DLGAP2: variants seen among roughly 807,000 people sequenced by gnomAD.
The protein encoded by DLGAP2 is DLG associated protein 2, also known as disks large-associated protein 2.
DLGAP2 carries 26 observed loss-of-function variants against 100.3 expected under a neutral mutation model. The observed-to-expected ratio is 0.26, with a 90% confidence interval of 0.19 to 0.36. The LOEUF (loss-of-function observed/expected upper bound fraction) is 0.36, where lower values mean the gene tolerates loss of function less well. Among genes scored for constraint, DLGAP2 ranks in the 10% least tolerant of loss-of-function variants. The pLI is 1.00. For missense variants in DLGAP2, 1,858 were observed against 1,453.2 expected (o/e 1.28, Z -4.53); for synonymous variants, 886 against 630.1 (o/e 1.41, Z -6.08).
At chr8:1,506,349 C>G (rs549089791) in intron 4 of DLGAP2, among the ~76,000 whole-genome samples, 105 of 152,276 alleles carry the variant, frequency 6.9e-4, no homozygotes, top group African/African-American at 2.3e-3. Context: ...GGTTCTTGGT[C>G]TCACTGACGT....
chr8:1,346,487 T>C (rs1487376960), intron 3 of DLGAP2, among the ~76,000 whole-genome samples: 1 of 149,722 alleles, frequency 6.7e-6, no homozygotes, highest in East Asian at 2.0e-4. Flanking sequence ...CCCATACACA[T>C]CTGCATTGCT....
intron 2 of DLGAP2, among the ~76,000 whole-genome samples, chr8:1,112,295 C>T (rs1804982668): frequency 8.2e-6 from 1 of 122,630 alleles, no homozygotes; most frequent in Non-Finnish European, 1.6e-5. Context: ...GGCTGAAGTG[C>T]AGTGGTGTGA....
At chr8:1,488,994 C>G (rs775486479) in intron 3 of DLGAP2, among the ~76,000 whole-genome samples, 3 of 152,186 alleles carry the variant, frequency 2.0e-5, no homozygotes, top group Non-Finnish European at 4.4e-5. Context: ...ACCCCACAGA[C>G]TCAACTCGCA....
intron 3 of DLGAP2, among the ~76,000 whole-genome samples, chr8:1,375,012 TG>T (rs1314035203): frequency 6.6e-6 from 1 of 152,234 alleles, no homozygotes; most frequent in Non-Finnish European, 1.5e-5. Flanking sequence ...TGACAGCAGG[TG>T]GTCACTGGGG....
chr8:988,639 C>T (rs549192628), intron 2 of DLGAP2, among the ~76,000 whole-genome samples: 72 of 152,268 alleles, frequency 4.7e-4, no homozygotes, highest in Non-Finnish European at 9.4e-4. Flanking sequence ...ACCTTCTCTC[C>T]TGGGCTCCTG....
intron 4 of DLGAP2, among the ~76,000 whole-genome samples, chr8:1,523,091 C>T (rs894697993): frequency 1.3e-5 from 2 of 152,158 alleles, no homozygotes; most frequent in Non-Finnish European, 1.5e-5. Context: ...CGGCACTGCC[C>T]GTGCGGCATC....
chr8:1,094,635 CT>C (rs1255875153), intron 2 of DLGAP2, among the ~76,000 whole-genome samples: 1 of 152,196 alleles, frequency 6.6e-6, no homozygotes, highest in East Asian at 1.9e-4. Context: ...TATGAGGCTT[CT>C]TTAGGGATTT....
At chr8:1,104,554 A>G (rs890104005) in intron 2 of DLGAP2, among the ~76,000 whole-genome samples, 11 of 152,208 alleles carry the variant, frequency 7.2e-5, no homozygotes, top group Non-Finnish European at 1.5e-4. Flanking sequence ...AACACGATCA[A>G]TAACAGAGGC....
intron 3 of DLGAP2, among the ~76,000 whole-genome samples, chr8:1,273,500 C>G (rs1010545663): frequency 2.6e-5 from 4 of 152,162 alleles, no homozygotes; most frequent in African/African-American, 7.2e-5. Flanking sequence ...CCAGGAGTCT[C>G]GAGCTGCGGC....
chr8:1,241,161 G>T (rs367634427), intron 2 of DLGAP2, among the ~76,000 whole-genome samples: 1 of 111,628 alleles, frequency 9.0e-6, no homozygotes, highest in African/African-American at 5.0e-5. Flanking sequence ...GCCATGTCTA[G>T]TTCTCTCACG....
At chr8:1,357,319 G>A (rs1051184312) in intron 3 of DLGAP2, among the ~76,000 whole-genome samples, 2 of 152,008 alleles carry the variant, frequency 1.3e-5, no homozygotes, top group Non-Finnish European at 2.9e-5. Context: ...CTGGCTAGTG[G>A]ATGGCCAGAC....
At chr8:1,045,672 A>G (rs1802494255) in intron 2 of DLGAP2, among the ~76,000 whole-genome samples, 1 of 152,054 alleles carries the variant, frequency 6.6e-6, no homozygotes. Flanking sequence ...CCACCCTTCT[A>G]TTCGCTGCTT....
At chr8:1,607,965 G>GGGGGGGT (rs1796863958) in intron 6 of DLGAP2, among the ~76,000 whole-genome samples, 1 of 142,690 alleles carries the variant, frequency 7.0e-6, no homozygotes, top group Non-Finnish European at 1.5e-5. Context: ...GCTGGGGGAG[G>GGGGGGGT]GGCGCCCGCC....
intron 2 of DLGAP2, among the ~76,000 whole-genome samples, chr8:1,227,645 G>A (rs537875640): frequency 5.9e-5 from 9 of 152,152 alleles, no homozygotes; most frequent in East Asian, 1.9e-4. Context: ...CCTGGAGGCC[G>A]TTATGCTAAA....
At chr8:1,073,820 T>A (rs1252032575) in intron 2 of DLGAP2, among the ~76,000 whole-genome samples, 1 of 152,268 alleles carries the variant, frequency 6.6e-6, no homozygotes, top group Admixed American at 6.5e-5. Flanking sequence ...TATTTTTATC[T>A]TCTGCTATTC....
intron 2 of DLGAP2, among the ~76,000 whole-genome samples, chr8:969,542 GAA>G (rs60402271): frequency 4.9e-5 from 7 of 141,926 alleles, no homozygotes; most frequent in Non-Finnish European, 9.2e-5. Context: ...GTGCCAGTTA[GAA>G]AAAAAAAAAA....
In DLGAP2 at chr8:1,703,321, A is replaced by G. The variant is rs1799624251; in HGVS notation, c.*1915A>G. On this transcript the variant is annotated 3_prime_UTR_variant, in exon 15 of 15. Transcript: ENST00000637795. ...ATGCAAAAAAAAAAAAATCCCTGAA[A>G]TATTCTTCTATAAATGAATCCTATT... 6.6e-6 allele frequency: 1 copy of G among 152,566 alleles called. No individual in the cohort carries two copies. Among genetic ancestry groups the G allele is most frequent in the Non-Finnish European group, 1.5e-5 (1 of 68,038 alleles). 9.5% of individuals were successfully genotyped at this position (152,566 alleles called of 1,614,324 possible).
intron 3 of DLGAP2, among the ~76,000 whole-genome samples, chr8:1,479,326 G>A (rs932778449): frequency 8.5e-5 from 13 of 152,326 alleles, no homozygotes; most frequent in African/African-American, 2.6e-4. Context: ...ATGATTAGCC[G>A]CCTCTCAAGC....
chr8:1,193,658 C>G (rs887988903), intron 2 of DLGAP2, among the ~76,000 whole-genome samples: 3 of 152,166 alleles, frequency 2.0e-5, no homozygotes, highest in Non-Finnish European at 4.4e-5. Context: ...ACGGCTGTTT[C>G]TGTGAACGAT....
Sources: allele counts gnomAD v4.1 joint callset (sites outside exome capture counted in the v4.1 genomes callset), GRCh38; gene constraint gnomAD v4.1.1; transcripts MANE v1.5; gene names NCBI Gene and HGNC (gene_info 2026-07-23, HGNC 2026-07-21).